Variants in PTBP1 observed in about 807,000 individuals in gnomAD.
PTBP1 encodes the protein polypyrimidine tract binding protein 1.
Under a neutral mutation model 59.8 loss-of-function variants are expected in PTBP1, and 8 were observed. The ratio of observed to expected loss-of-function variants is 0.13; its 90% CI spans 0.08 to 0.24. The LOEUF (loss-of-function observed/expected upper bound fraction) is 0.24, where lower values mean the gene tolerates loss of function less well. Among genes scored for constraint, PTBP1 ranks in the 10% least tolerant of loss-of-function variants. The pLI is 1.00. For missense variants in PTBP1, 686 were observed against 767.0 expected (o/e 0.89, Z 1.25); for synonymous variants, 490 against 320.7 (o/e 1.53, Z -5.64).
At chr19:799,118 G>A (rs1005029608) in intron 1 of PTBP1, among the ~76,000 whole-genome samples, 2 of 152,246 alleles carry the variant, frequency 1.3e-5, no homozygotes, top group Non-Finnish European at 1.5e-5. Flanking sequence ...CTTCCGATGG[G>A]GGTGTCTTTG....
At chr19:798,911 C>A (rs1010464994) in intron 1 of PTBP1, among the ~76,000 whole-genome samples, 2 of 152,228 alleles carry the variant, frequency 1.3e-5, no homozygotes, top group African/African-American at 2.4e-5. Context: ...TTTCCACGGC[C>A]GCCTCCTGCT....
At chr19:800,285 A>G (rs774103328) in intron 2 of PTBP1, among the ~76,000 whole-genome samples, 5 of 152,030 alleles carry the variant, frequency 3.3e-5, no homozygotes, top group Non-Finnish European at 5.9e-5. Context: ...AAACTGTCAA[A>G]GGTGGTGTTT....
At chr19:799,115 TG>T (rs913344119) in intron 1 of PTBP1, among the ~76,000 whole-genome samples, 86 of 152,322 alleles carry the variant, frequency 5.6e-4, no homozygotes, top group African/African-American at 2.0e-3. Flanking sequence ...GGGCTTCCGA[TG>T]GGGGTGTCTT....
chr19:807,667 TAAA>T lies in PTBP1; in HGVS notation c.1120-198_1120-196del, dbSNP rs759397435. On this transcript the variant is annotated intron_variant, in intron 10 of 14. Coordinates refer to ENST00000356948, the MANE Select transcript of PTBP1 (RefSeq NM_002819.5). ...GAAACAAAACAAAAACATAAACAAA[TAAA>T]AAACAAAAATTCCCCCTCAAACCCT... The T allele has an allele frequency of 3.8e-5, 19 of 503,614 alleles. No homozygotes were observed. In the Admixed American group the frequency reaches 5.1e-4, roughly 14 times the overall value. The allele number at this position is 503,614 out of a possible 1,614,324, so 31.2% of individuals were successfully genotyped here.
At chr19:806,023 C>A (rs2034548960) in intron 9 of PTBP1, 2 of 238,914 alleles carry the variant, frequency 8.4e-6, no homozygotes, top group African/African-American at 4.6e-5. Flanking sequence ...GTGGACGGAG[C>A]AGCGCGTGCC....
chr19:810,182 C>T (rs954862524), intron 13 of PTBP1, among the ~76,000 whole-genome samples: 2 of 152,222 alleles, frequency 1.3e-5, no homozygotes, highest in African/African-American at 4.8e-5. Flanking sequence ...TGTTGCGTGC[C>T]TGTAATCCCA....
At position 804,124 on chromosome 19, in the gene PTBP1, C is replaced by T. The variant is rs199558877; in HGVS notation, c.204C>T (p.Ile68=). 37 of 1,613,920 alleles carry T rather than the reference C, an allele frequency of 2.3e-5. No individual in the cohort carries two copies. Among genetic ancestry groups the T allele is most frequent in the East Asian group, 2.0e-4 (9 of 44,884 alleles). ...SRVIHIRKLP[I]DVTEGEVISL... ...TGATCCACATCCGGAAGCTCCCCATCGACGTCACGGAGGGGGAAGTCATCT... is the reference window on the plus strand; with the variant it reads ...TGATCCACATCCGGAAGCTCCCCATTGACGTCACGGAGGGGGAAGTCATCT... The change falls in exon 4 of 15, where the codon ATC becomes ATT. Residue 68 remains isoleucine (I), a synonymous_variant. Transcript: ENST00000356948.
At position 804,406 on chromosome 19, in the gene PTBP1, G is replaced by A. The variant is rs1304302891; in HGVS notation, c.403G>A (p.Glu135Lys). The change falls in exon 5 of 15, where the codon GAG becomes AAG. Residue 135 changes from glutamate (E) to lysine (K), a missense_variant. Transcript: ENST00000356948. ...CTACATCCAGTTCTCCAACCACAAG[G>A]AGCTGAAGACCGACAGCTCTCCCAA... ...PIYIQFSNHK[E>K]LKTDSSPNQA... 1 of 1,612,242 alleles carries A rather than the reference G, an allele frequency of 6.2e-7. No homozygotes were observed. Among genetic ancestry groups the A allele is most frequent in the Non-Finnish European group, 8.5e-7 (1 of 1,179,996 alleles).
In PTBP1 at chr19:799,507, AC is replaced by A. The variant is rs546852549; in HGVS notation, c.39+70del. 2.5e-4 allele frequency: 378 copies of A among 1,542,628 alleles called. 2 individuals are homozygous for A. The African/African-American group carries it at 4.7e-3, about 19-fold the overall frequency. ...TGACCTTGTGCCGACCCCGGGGGCC[AC>A]CCCCCAGCGCTGTTGCGTTGGCTAG... On this transcript the variant is annotated intron_variant, in intron 2 of 14. Transcript: ENST00000356948.
At chr19:799,533 G>C in intron 2 of PTBP1, 90 bp downstream of exon 2, 1 of 1,361,112 alleles carries the variant, frequency 7.3e-7, no homozygotes, top group Non-Finnish European at 1.1e-6. Context: ...GCGTTGGCTA[G>C]AGGGCGCTTT....
intron 1 of PTBP1, among the ~76,000 whole-genome samples, chr19:798,706 G>A (rs979029819): frequency 6.6e-6 from 1 of 152,232 alleles, no homozygotes; most frequent in Non-Finnish European, 1.5e-5. Context: ...GAGTTGCAGT[G>A]GCCGGGAGAA....
At position 810,864 on chromosome 19, in the gene PTBP1, C is replaced by T. The variant is rs768210577; in HGVS notation, c.*38C>T. On this transcript the variant is annotated 3_prime_UTR_variant, in exon 15 of 15. Transcript: ENST00000356948. ...CCACGGCCGGGCCCCCTGGCGACAA[C>T]TTCCATCATTCCAGAGAAAAGCCAC... 4 of 1,496,946 alleles carry T rather than the reference C, an allele frequency of 2.7e-6. No homozygotes were observed. The East Asian group carries it at 7.4e-5, about 28-fold the overall frequency. 92.7% of individuals were successfully genotyped at this position (1,496,946 alleles called of 1,614,324 possible). A position where few individuals can be genotyped will look rare whatever the true frequency, so the allele number is the denominator to read the frequency against.
Position 808,883 on chromosome 19 carries a change from C to A in PTBP1, c.1463+121C>A. 1.1e-6 allele frequency: 1 copy of A among 928,042 alleles called. No individual in the cohort carries two copies. Among genetic ancestry groups the A allele is most frequent in the Non-Finnish European group, 1.7e-6 (1 of 604,620 alleles). The allele number at this position is 928,042 out of a possible 1,614,324, so 57.5% of individuals were successfully genotyped here. The stretch of plus-strand genomic sequence containing the variant: ...AGAGTGCAGGTCGGGCACCTCTTAC[C>A]CCAAACCTGAAGTACTGCAAGGCCT... On this transcript the variant is annotated intron_variant, in intron 13 of 14. Transcript: ENST00000356948. The surrounding 1 kb of genome is among the most constrained non-coding windows in gnomAD (Gnocchi z 4.7).
chr19:801,074 T>A (rs1359775707), intron 2 of PTBP1, among the ~76,000 whole-genome samples: 1 of 146,162 alleles, frequency 6.8e-6, no homozygotes, highest in Non-Finnish European at 1.5e-5. Flanking sequence ...GGCTACGCTG[T>A]CCTTTAGCCC....
chr19:802,621 C>T (rs1599223559), intron 2 of PTBP1, among the ~76,000 whole-genome samples: 1 of 152,342 alleles, frequency 6.6e-6, no homozygotes, highest in African/African-American at 2.4e-5. Flanking sequence ...TTGCTGCCCT[C>T]AGCGCCTGCA....
At chr19:798,519 T>G (rs988284025) in intron 1 of PTBP1, 2 of 152,322 alleles carry the variant, frequency 1.3e-5, no homozygotes, top group Non-Finnish European at 2.9e-5. Flanking sequence ...AGAGTGGGTC[T>G]GGACCCCTTA....
At chr19:802,262 G>A (rs966401868) in intron 2 of PTBP1, among the ~76,000 whole-genome samples, 1 of 152,212 alleles carries the variant, frequency 6.6e-6, no homozygotes, top group Non-Finnish European at 1.5e-5. Flanking sequence ...TTGGAGGCTC[G>A]GGCAGTCTTC....
intron 2 of PTBP1, among the ~76,000 whole-genome samples, chr19:800,460 C>T (rs569700594): frequency 2.6e-5 from 4 of 152,262 alleles, no homozygotes; most frequent in East Asian, 1.9e-4. Context: ...CCTCGCTTAG[C>T]TGGGGTAGTT....
intron 11 of PTBP1, 28 bp downstream of exon 11, chr19:807,930 C>T (rs1568273552): frequency 6.3e-6 from 10 of 1,595,544 alleles, no homozygotes; most frequent in South Asian, 3.3e-5. Flanking sequence ...CTTTTATTAC[C>T]TTGTTTTCAT....
Sources: gnomAD v4.1 joint callset for allele counts (sites outside exome capture counted in the v4.1 genomes callset) on GRCh38, gnomAD v4.1.1 for gene constraint, Gnocchi (gnomAD v3.1) non-coding constraint, MANE v1.5 for transcripts, NCBI Gene and HGNC (gene_info 2026-07-23, HGNC 2026-07-21) for gene names.